TMPRSS15: variants seen among roughly 807,000 people sequenced by gnomAD.
The protein encoded by TMPRSS15 is transmembrane serine protease 15, also known as enteropeptidase.
Under a neutral mutation model 125.3 loss-of-function variants are expected in TMPRSS15, and 128 were observed. The ratio of observed to expected loss-of-function variants is 1.02; its 90% CI spans 0.89 to 1.18. The LOEUF (loss-of-function observed/expected upper bound fraction) is 1.18, where lower values mean the gene tolerates loss of function less well. Ranked by LOEUF, TMPRSS15 falls within the 50% of genes most tolerant of loss-of-function variation. The probability of loss-of-function intolerance (pLI) is 0.00; values close to 1 mark genes in which losing one functional copy is unlikely to be tolerated. For synonymous variants in TMPRSS15, 446 were observed against 423.2 expected (o/e 1.05, Z -0.66); for missense variants, 1,283 against 1,212.7 (o/e 1.06, Z -0.86).
At chr21:18,383,170 C>T (rs1227409450) in intron 4 of TMPRSS15, among the ~76,000 whole-genome samples, 1 of 151,612 alleles carries the variant, frequency 6.6e-6, no homozygotes, top group Non-Finnish European at 1.5e-5. Flanking sequence ...AACTTCTGTG[C>T]ATGCCAACAC....
At chr21:18,313,389 TTCTC>T (rs2075123217) in intron 17 of TMPRSS15, among the ~76,000 whole-genome samples, 1 of 151,372 alleles carries the variant, frequency 6.6e-6, no homozygotes, top group Non-Finnish European at 1.5e-5. Context: ...TATATACACA[TTCTC>T]TGTATATACA....
chr21:18,476,075 A>G (rs1978874879), intron 1 of TMPRSS15, among the ~76,000 whole-genome samples: 1 of 152,188 alleles, frequency 6.6e-6, no homozygotes, highest in African/African-American at 2.4e-5. Context: ...AGTGTTTGAC[A>G]TAATATTTAC....
At chr21:18,340,627 G>A (rs779039514) in intron 13 of TMPRSS15, among the ~76,000 whole-genome samples, 2 of 152,088 alleles carry the variant, frequency 1.3e-5, no homozygotes, top group Non-Finnish European at 2.9e-5. Flanking sequence ...GGTGATCTAT[G>A]TCTGTATGTT....
At chr21:18,322,477 A>G (rs1344851221) in intron 16 of TMPRSS15, among the ~76,000 whole-genome samples, 1 of 152,232 alleles carries the variant, frequency 6.6e-6, no homozygotes, top group African/African-American at 2.4e-5. Context: ...AGTCAACGTA[A>G]GAGTCCATCA....
chr21:18,341,603 C>G (rs761239567), intron 12 of TMPRSS15, 55 bp from the exon 13 acceptor site: 1 of 1,576,854 alleles, frequency 6.3e-7, no homozygotes, highest in Non-Finnish European at 8.7e-7. Context: ...TCTTCTCTGA[C>G]TTGATTCTTC....
At chr21:18,433,663 C>CA (rs58432155) in intron 1 of TMPRSS15, among the ~76,000 whole-genome samples, 5,719 of 62,026 alleles carry the variant, frequency 0.092, 734 homozygotes, top group African/African-American at 0.22. Flanking sequence ...GACCTTGTCT[C>CA]AAAAAAAAAA....
chr21:18,394,517 C>T (rs983829663), intron 3 of TMPRSS15, among the ~76,000 whole-genome samples: 5 of 147,590 alleles, frequency 3.4e-5, no homozygotes, highest in Non-Finnish European at 7.6e-5. Context: ...GTATGGCATT[C>T]TCTCTCTCTC....
Position 18,434,256 on chromosome 21 carries a change from C to T in TMPRSS15, c.11-35927G>A, listed in dbSNP as rs2076223268. 2.0e-5 allele frequency among the ~76,000 whole-genome samples: 3 copies of T among 152,112 alleles called. No individual in the cohort carries two copies. The South Asian group carries it at 6.2e-4, about 32-fold the overall frequency. ...ACGTATACTCATATCTATAGCTAAT[C>T]TCTATCTCTACACACAGAGATACAT... On this transcript the variant is annotated intron_variant, in intron 1 of 7. Coordinates refer to the TMPRSS15 transcript ENST00000422787.
chr21:18,437,275 T>C (rs1252312063), intron 1 of TMPRSS15, among the ~76,000 whole-genome samples: 1 of 151,756 alleles, frequency 6.6e-6, no homozygotes. Context: ...TAGCCATATG[T>C]AGAAAGCTGA....
In TMPRSS15 at chr21:18,379,224, T is replaced by C. The variant is rs1046371726; in HGVS notation, c.532+59A>G. The stretch of plus-strand genomic sequence containing the variant: ...CCAGAGACTTCTCAGGGGCCTAAAA[T>C]AAAATGTATAAGAGAAAACTTTCTT... On this transcript the variant is annotated intron_variant, in intron 5 of 24. Transcript: ENST00000284885. 6 of 854,516 alleles carry C rather than the reference T, an allele frequency of 7.0e-6. No individual in the cohort carries two copies. The African/African-American group carries it at 8.8e-5, about 13-fold the overall frequency. 52.9% of individuals were successfully genotyped at this position (854,516 alleles called of 1,614,324 possible).
chr21:18,406,789 C>T (rs925075922), upstream of TMPRSS15, among the ~76,000 whole-genome samples: 15 of 152,096 alleles, frequency 9.9e-5, no homozygotes, highest in African/African-American at 1.9e-4. Context: ...ATTCTCTTTC[C>T]AGTTAAATCT....
intron 3 of TMPRSS15, among the ~76,000 whole-genome samples, chr21:18,396,791 AATCTG>A (rs1398590266): frequency 1.4e-4 from 8 of 57,896 alleles, no homozygotes; most frequent in East Asian, 1.0e-3. Context: ...AAAAAAAAAA[AATCTG>A]TCTGTCTGTC....
intron 18 of TMPRSS15, among the ~76,000 whole-genome samples, chr21:18,308,984 G>A (rs578240834): frequency 2.6e-5 from 4 of 152,304 alleles, no homozygotes; most frequent in African/African-American, 7.2e-5. Flanking sequence ...TCTTTATCCA[G>A]TCTATCACTG....
chr21:18,317,594 C>T lies in TMPRSS15; in HGVS notation c.1922-2338G>A, dbSNP rs192885306. Among the ~76,000 whole-genome samples, 31 of 152,176 alleles carry T rather than the reference C, an allele frequency of 2.0e-4. No homozygotes were observed. The East Asian group carries it at 5.8e-3, about 28-fold the overall frequency. ...GACTACACTGCATAACCACAAGGAC[C>T]AGGCTTTCATGGGACTAGTGTAAGG... On this transcript the variant is annotated intron_variant, in intron 16 of 24. Coordinates refer to ENST00000284885, the MANE Select transcript of TMPRSS15 (RefSeq NM_002772.3).
chr21:18,401,790 A>G (rs1025388743), intron 1 of TMPRSS15, among the ~76,000 whole-genome samples: 1 of 152,238 alleles, frequency 6.6e-6, no homozygotes, highest in African/African-American at 2.4e-5. Flanking sequence ...GTATTGGTAA[A>G]GCATTAACTC....
intron 1 of TMPRSS15, among the ~76,000 whole-genome samples, chr21:18,432,480 A>G (rs1601460703): frequency 6.6e-6 from 1 of 152,182 alleles, no homozygotes; most frequent in South Asian, 2.1e-4. Flanking sequence ...AACTAGTGAA[A>G]TTAAGTGGAG....
At chr21:18,345,739 T>TGAAAAAAAAAAAAAA (rs2075500336) in intron 10 of TMPRSS15, among the ~76,000 whole-genome samples, 1 of 1,064 alleles carries the variant, frequency 9.4e-4, no homozygotes, top group African/African-American at 1.0e-3. Flanking sequence ...AGACTCCGTC[T>TGAAAAAAAAAAAAAA]CAAAAAAAAA....
At chr21:18,295,391 C>A (rs908207274) in intron 19 of TMPRSS15, among the ~76,000 whole-genome samples, 1 of 152,166 alleles carries the variant, frequency 6.6e-6, no homozygotes, top group Non-Finnish European at 1.5e-5. Flanking sequence ...AGAGTACTTG[C>A]TCCCACTATT....
chr21:18,378,291 A>G (rs1031072815), intron 5 of TMPRSS15, among the ~76,000 whole-genome samples: 1 of 152,124 alleles, frequency 6.6e-6, no homozygotes, highest in African/African-American at 2.4e-5. Flanking sequence ...TGTTAGAGAC[A>G]GGAATGTGGG....
Sources: gnomAD v4.1 joint callset for allele counts (sites outside exome capture counted in the v4.1 genomes callset) on GRCh38, gnomAD v4.1.1 for gene constraint, MANE v1.5 for transcripts, NCBI Gene and HGNC (gene_info 2026-07-23, HGNC 2026-07-21) for gene names.